The following LMBRD1 variants were observed in gnomAD, a reference collection of about 807,000 sequenced individuals.
LMBRD1 encodes lysosomal cobalamin transport escort protein LMBD1.
Under a neutral mutation model 74.8 loss-of-function variants are expected in LMBRD1, and 64 were observed. The observed-to-expected ratio is 0.86, with a 90% CI of 0.70 to 1.05. The LOEUF (loss-of-function observed/expected upper bound fraction) is 1.05, where lower values mean the gene tolerates loss of function less well. Ranked by LOEUF, LMBRD1 falls within the 50% of genes least tolerant of loss-of-function variation. The pLI is 0.00. For missense variants in LMBRD1, 652 were observed against 645.9 expected (o/e 1.01, Z -0.10); for synonymous variants, 204 against 216.3 (o/e 0.94, Z 0.50).
At chr6:69,687,392 A>T (rs1335066814) in intron 14 of LMBRD1, among the ~76,000 whole-genome samples, 1 of 152,190 alleles carries the variant, frequency 6.6e-6, no homozygotes, top group East Asian at 1.9e-4. Flanking sequence ...CCTTATATTA[A>T]GTAAGCTCCA....
intron 7 of LMBRD1, among the ~76,000 whole-genome samples, chr6:69,731,820 G>C (rs1766864897): frequency 6.6e-6 from 1 of 151,702 alleles, no homozygotes; most frequent in Non-Finnish European, 1.5e-5. Context: ...AAAACCATCT[G>C]TGTCGTATAG....
chr6:69,753,938 C>CAAA (rs201669814), intron 3 of LMBRD1, among the ~76,000 whole-genome samples: 8 of 106,216 alleles, frequency 7.5e-5, no homozygotes, highest in African/African-American at 2.7e-4. Flanking sequence ...GACTCCGTCT[C>CAAA]AAAAAAAAAA....
chr6:69,775,696 G>A (rs1035291967), intron 3 of LMBRD1, among the ~76,000 whole-genome samples: 4 of 152,152 alleles, frequency 2.6e-5, no homozygotes, highest in African/African-American at 9.7e-5. Context: ...TTAATATTCT[G>A]TGTGACAGGA....
chr6:69,691,692 C>T (rs1421611464), intron 14 of LMBRD1, among the ~76,000 whole-genome samples: 4 of 151,758 alleles, frequency 2.6e-5, no homozygotes, highest in South Asian at 4.1e-4. Context: ...CTGGCTAACA[C>T]GGTGAAACCC....
At chr6:69,741,643 C>T in intron 6 of LMBRD1, 146 bp downstream of exon 6, 1 of 557,684 alleles carries the variant, frequency 1.8e-6, no homozygotes, top group South Asian at 2.1e-5. Context: ...CACCCCTCGG[C>T]CTCCCAAAGT....
chr6:69,753,737 G>A (rs762976107), intron 3 of LMBRD1, among the ~76,000 whole-genome samples: 4 of 152,020 alleles, frequency 2.6e-5, no homozygotes, highest in South Asian at 2.1e-4. Context: ...ACAGGAGATC[G>A]AGACCATCCT....
At chr6:69,743,221 A>G (rs1767145463) in intron 5 of LMBRD1, among the ~76,000 whole-genome samples, 1 of 152,180 alleles carries the variant, frequency 6.6e-6, no homozygotes. Context: ...GCTGGGAATA[A>G]CCAATCTGTG....
chr6:69,792,473 T>C (rs1243727679), intron 1 of LMBRD1, among the ~76,000 whole-genome samples: 1 of 152,224 alleles, frequency 6.6e-6, no homozygotes, highest in East Asian at 1.9e-4. Context: ...CCCATCCAAG[T>C]TGCTGCATGT....
intron 9 of LMBRD1, chr6:69,705,357 A>C: frequency 2.5e-6 from 2 of 806,750 alleles, no homozygotes; most frequent in Admixed American, 1.7e-5. Flanking sequence ...GCAATTCTTC[A>C]TATAATTGAT....
At chr6:69,702,550 A>G (rs1170087928) in intron 9 of LMBRD1, among the ~76,000 whole-genome samples, 1 of 152,078 alleles carries the variant, frequency 6.6e-6, no homozygotes, top group Non-Finnish European at 1.5e-5. Context: ...GTAGTGGAAC[A>G]TATTTCTCCC....
At chr6:69,684,279 C>T (rs1427517327) in intron 14 of LMBRD1, among the ~76,000 whole-genome samples, 1 of 151,162 alleles carries the variant, frequency 6.6e-6, no homozygotes, top group East Asian at 1.9e-4. Flanking sequence ...GAATACATAC[C>T]AAAGAACATA....
chr6:69,796,519 C>G lies in LMBRD1; in HGVS notation c.69+294G>C, dbSNP rs536700844. On this transcript the variant is annotated intron_variant, in intron 1 of 15. Coordinates refer to ENST00000649934, the MANE Select transcript of LMBRD1 (RefSeq NM_018368.4). Reference sequence around the variant, plus strand: ...TCAACCCCGAGGGTCTCTTCCGCCCCCAAACCCCACCGGCCCCATTGCCCA... The same window carrying G: ...TCAACCCCGAGGGTCTCTTCCGCCCGCAAACCCCACCGGCCCCATTGCCCA... 2.0e-3 allele frequency among the ~76,000 whole-genome samples: 308 copies of G among 152,310 alleles called. 3 individuals are homozygous for G. The highest frequency in any genetic ancestry group is 4.0e-3 in the Admixed American group (61 of 15,298).
intron 14 of LMBRD1, among the ~76,000 whole-genome samples, chr6:69,678,821 C>G (rs927465221): frequency 1.1e-4 from 16 of 152,090 alleles, no homozygotes; most frequent in Non-Finnish European, 1.3e-4. Context: ...CATAAGGGAT[C>G]TAATAACACT....
At chr6:69,695,373 A>G (rs1765972941) in intron 14 of LMBRD1, among the ~76,000 whole-genome samples, 1 of 151,998 alleles carries the variant, frequency 6.6e-6, no homozygotes, top group African/African-American at 2.4e-5. Flanking sequence ...CTTGCCCTTA[A>G]ATAATGATTA....
chr6:69,728,905 C>T (rs1766793468), intron 7 of LMBRD1, among the ~76,000 whole-genome samples: 1 of 152,278 alleles, frequency 6.6e-6, no homozygotes, highest in Non-Finnish European at 1.5e-5. Context: ...CAGGAATCTG[C>T]TGCTACTTTA....
intron 2 of LMBRD1, among the ~76,000 whole-genome samples, chr6:69,780,904 C>T (rs1374926297): frequency 6.6e-6 from 1 of 151,978 alleles, no homozygotes; most frequent in Non-Finnish European, 1.5e-5. Context: ...ATACACAGAA[C>T]GTTTGAAAAA....
chr6:69,796,681 C>A, intron 1 of LMBRD1, 132 bp downstream of exon 1: 1 of 830,346 alleles, frequency 1.2e-6, no homozygotes, highest in South Asian at 1.4e-5. Flanking sequence ...ACTAAGGAGC[C>A]CTCCACAGTC....
intron 9 of LMBRD1, chr6:69,706,018 C>T: frequency 1.3e-6 from 1 of 769,150 alleles, no homozygotes; most frequent in Non-Finnish European, 2.3e-6. Context: ...AGCCCCTAAA[C>T]TGACCGTTCT....
At chr6:69,737,558 T>C (rs905490856) in intron 7 of LMBRD1, among the ~76,000 whole-genome samples, 1 of 150,834 alleles carries the variant, frequency 6.6e-6, no homozygotes, top group Non-Finnish European at 1.5e-5. Context: ...CTTATAAATC[T>C]ATTAATATGC....
Sources: gnomAD v4.1 joint callset for allele counts (sites outside exome capture counted in the v4.1 genomes callset) on GRCh38, gnomAD v4.1.1 for gene constraint, MANE v1.5 for transcripts, NCBI Gene and HGNC (gene_info 2026-07-23, HGNC 2026-07-21) for gene names.